MAST4: variants seen among roughly 807,000 people sequenced by gnomAD.
MAST4 encodes the protein microtubule-associated serine/threonine-protein kinase 4.
In MAST4, 89 loss-of-function variants were observed where a neutral mutation model predicts 162.7. The observed-to-expected ratio is 0.55, with a 90% CI of 0.46 to 0.65. MAST4 has a LOEUF of 0.65. MAST4 is among the 30% of genes least tolerant of loss of function. MAST4 has a pLI of 0.00. For synonymous variants in MAST4, 1,479 were observed against 1,361.1 expected (o/e 1.09, Z -1.91); for missense variants, 3,153 against 3,374.0 (o/e 0.93, Z 1.62).
chr5:67,061,860 A>C (rs1208570858), intron 5 of MAST4, among the ~76,000 whole-genome samples: 1 of 151,816 alleles, frequency 6.6e-6, no homozygotes, highest in Non-Finnish European at 1.5e-5. Context: ...TCTAAACTGT[A>C]TTGGTGAGCC....
At chr5:67,142,747 C>T (rs1396342783) in intron 21 of MAST4, 2 of 445,054 alleles carry the variant, frequency 4.5e-6, no homozygotes, top group African/African-American at 2.0e-5. Context: ...TCTCTCTTTC[C>T]TGTGAGACAA....
chr5:66,650,011 C>G (rs572897072), intron 1 of MAST4, among the ~76,000 whole-genome samples: 2 of 152,048 alleles, frequency 1.3e-5, no homozygotes, highest in Admixed American at 6.6e-5. Flanking sequence ...GCAGTCTAAC[C>G]ACTTCTTACA....
At chr5:66,634,594 C>T (rs944954874) in intron 1 of MAST4, among the ~76,000 whole-genome samples, 1 of 152,140 alleles carries the variant, frequency 6.6e-6, no homozygotes. Flanking sequence ...GAAAAAAATG[C>T]CCCCCTTTTT....
rs982724309 is a variant in MAST4 at position 67,167,176 on chromosome 5, CAG to C, written c.*126_*127del. 4.3e-5 allele frequency: 30 copies of C among 698,666 alleles called. No individual in the cohort carries two copies. The highest frequency in any genetic ancestry group is 8.6e-5 in the Admixed American group (2 of 23,278). 43.3% of individuals were successfully genotyped at this position (698,666 alleles called of 1,614,324 possible). A position where few individuals can be genotyped will look rare whatever the true frequency, so the allele number is the denominator to read the frequency against. Reference sequence around the variant, plus strand: ...GGCAGAGCTCGGAGCCTCATTGAGACAGGGGAGAGAGAAAGACAAAGAGGGGA... The same window carrying C: ...GGCAGAGCTCGGAGCCTCATTGAGACGGGAGAGAGAAAGACAAAGAGGGGA... On this transcript the variant is annotated 3_prime_UTR_variant, in exon 29 of 29. Coordinates refer to ENST00000403625, the MANE Select transcript of MAST4 (RefSeq NM_001164664.2).
chr5:67,081,494 G>GA (rs532652723), intron 5 of MAST4, among the ~76,000 whole-genome samples: 1,513 of 150,056 alleles, frequency 0.01, 24 homozygotes, highest in African/African-American at 0.033. Context: ...ATAGGGAAGT[G>GA]AAAAAAAAAT....
chr5:66,825,267 C>CACAG (rs1561357143), intron 3 of MAST4, among the ~76,000 whole-genome samples: 1 of 28,126 alleles, frequency 3.6e-5, no homozygotes, highest in African/African-American at 1.6e-4. Flanking sequence ...CTAAGACACA[C>CACAG]ACACACACAC....
chr5:67,094,452 T>A (rs1764209333), intron 6 of MAST4, among the ~76,000 whole-genome samples: 1 of 152,216 alleles, frequency 6.6e-6, no homozygotes, highest in Non-Finnish European at 1.5e-5. Context: ...ACTTGGCAAG[T>A]TAACATAATA....
intron 4 of MAST4, among the ~76,000 whole-genome samples, chr5:66,958,403 A>T (rs1318996099): frequency 6.6e-6 from 1 of 152,234 alleles, no homozygotes; most frequent in Non-Finnish European, 1.5e-5. Flanking sequence ...TAAATACAAG[A>T]TGAAACTTTC....
chr5:66,599,863 A>G (rs1054392673), intron 1 of MAST4, among the ~76,000 whole-genome samples: 2 of 152,184 alleles, frequency 1.3e-5, no homozygotes, highest in Admixed American at 6.5e-5. Flanking sequence ...AAAAATGGAA[A>G]GAGGTTCATT....
chr5:66,930,018 A>T (rs547011546), intron 4 of MAST4, among the ~76,000 whole-genome samples: 1 of 152,268 alleles, frequency 6.6e-6, no homozygotes, highest in East Asian at 1.9e-4. Context: ...AACCCCAATC[A>T]CTATCCTGTA....
intron 4 of MAST4, among the ~76,000 whole-genome samples, chr5:66,955,957 G>A (rs1311139969): frequency 6.6e-6 from 1 of 151,048 alleles, no homozygotes; most frequent in African/African-American, 2.5e-5. Flanking sequence ...ACAATTAGTT[G>A]ATATGTCTTT....
chr5:66,919,960 CCTTCCTTCCTTCCTTCTT>C lies in MAST4; in HGVS notation c.674+19979_674+19996del, dbSNP rs1201075803. 4.4e-3 allele frequency among the ~76,000 whole-genome samples: 491 copies of C among 110,892 alleles called. 7 individuals carry two copies. The highest frequency in any genetic ancestry group is 0.016 in the African/African-American group (386 of 24,364). The allele number at this position is 110,892 out of a possible 152,430, so 72.7% of individuals were successfully genotyped here. ...TCCTTCCTTCCTTCCTTCCTTCCTT[CCTTCCTTCCTTCCTTCTT>C]TCTCTCTCTCTCTCTCTCTCTTTCT... On this transcript the variant is annotated intron_variant, in intron 4 of 28. Coordinates refer to ENST00000403625, the MANE Select transcript of MAST4 (RefSeq NM_001164664.2).
intron 1 of MAST4, among the ~76,000 whole-genome samples, chr5:66,699,930 A>G (rs953200603): frequency 6.6e-5 from 10 of 152,152 alleles, no homozygotes; most frequent in Non-Finnish European, 8.8e-5. Context: ...AAAAAAAAAC[A>G]AACCCCAAAC....
At chr5:67,011,266 C>G (rs773218582) in intron 4 of MAST4, among the ~76,000 whole-genome samples, 2 of 152,122 alleles carry the variant, frequency 1.3e-5, no homozygotes, top group African/African-American at 2.4e-5. Context: ...GAGACTGAAG[C>G]CTGGCCCCAC....
At chr5:67,017,893 G>A (rs706703) in intron 4 of MAST4, among the ~76,000 whole-genome samples, 22,515 of 151,878 alleles carry the variant, frequency 0.15, 1,736 homozygotes, top group South Asian at 0.24. Context: ...CACCGCACCC[G>A]GCCAAGTATT....
intron 1 of MAST4, among the ~76,000 whole-genome samples, chr5:66,704,732 C>T (rs898844934): frequency 1.3e-5 from 2 of 152,050 alleles, no homozygotes; most frequent in African/African-American, 4.8e-5. Context: ...TATCTCCTGA[C>T]CTCGTGATCC....
At chr5:66,922,173 C>T (rs1375847570) in intron 4 of MAST4, among the ~76,000 whole-genome samples, 2 of 152,130 alleles carry the variant, frequency 1.3e-5, no homozygotes, top group Non-Finnish European at 1.5e-5. Context: ...GAGTATGGAT[C>T]CACTCTGTTT....
intron 2 of MAST4, among the ~76,000 whole-genome samples, chr5:66,768,778 A>T (rs1412770275): frequency 6.6e-6 from 1 of 152,158 alleles, no homozygotes; most frequent in African/African-American, 2.4e-5. Flanking sequence ...AGATGTTACC[A>T]TTGGGGAAAC....
intron 4 of MAST4, among the ~76,000 whole-genome samples, chr5:67,010,547 A>C (rs1400150788): frequency 6.6e-6 from 1 of 152,166 alleles, no homozygotes; most frequent in Non-Finnish European, 1.5e-5. Flanking sequence ...GTGCCAAAAT[A>C]ATAAACACGG....
Sources: allele counts gnomAD v4.1 joint callset (sites outside exome capture counted in the v4.1 genomes callset), GRCh38; gene constraint gnomAD v4.1.1; transcripts MANE v1.5; gene names NCBI Gene and HGNC (gene_info 2026-07-23, HGNC 2026-07-21).